Variants in FAM76A observed in about 807,000 individuals in gnomAD.
The protein encoded by FAM76A is protein FAM76A.
A neutral mutation model predicts 46.2 loss-of-function variants in FAM76A; 32 were observed. The ratio of observed to expected loss-of-function variants is 0.69; its 90% CI spans 0.52 to 0.93. The LOEUF is 0.93. Ranked by LOEUF, FAM76A falls within the 40% of genes least tolerant of loss-of-function variation. The pLI is 0.00. For missense variants in FAM76A, 274 were observed against 361.5 expected (o/e 0.76, Z 1.96); for synonymous variants, 137 against 127.0 (o/e 1.08, Z -0.53).
At chr1:27,759,939 T>C in intron 8 of FAM76A, 1 of 470,166 alleles carries the variant, frequency 2.1e-6, no homozygotes, top group Admixed American at 2.3e-5. Context: ...CACTAATTTA[T>C]TTTTTAATTT....
At chr1:27,754,264 G>A (rs1430750029) in intron 6 of FAM76A, among the ~76,000 whole-genome samples, 1 of 151,792 alleles carries the variant, frequency 6.6e-6, no homozygotes, top group Non-Finnish European at 1.5e-5. Flanking sequence ...GCACCACCAC[G>A]GCCAGCTAAT....
chr1:27,732,035 T>A (rs1048315271), intron 2 of FAM76A, among the ~76,000 whole-genome samples: 8 of 151,914 alleles, frequency 5.3e-5, no homozygotes, highest in African/African-American at 1.9e-4. Flanking sequence ...TTGGCTGGGC[T>A]GGTCTCGGAC....
chr1:27,728,863 C>T (rs769451806), intron 2 of FAM76A, among the ~76,000 whole-genome samples: 61 of 151,892 alleles, frequency 4.0e-4, no homozygotes, highest in Non-Finnish European at 6.8e-4. Flanking sequence ...ACTTGGGGGG[C>T]TGAGGCAGGA....
Position 27,744,781 on chromosome 1 carries a change from G to A in FAM76A, c.482G>A (p.Ser161Asn), listed in dbSNP as rs1293977532. 6.2e-7 allele frequency: 1 copy of A among 1,614,062 alleles called. No homozygotes were observed. The highest frequency in any genetic ancestry group is 1.3e-5 in the African/African-American group (1 of 74,926). Residue 161 changes from serine to asparagine, a missense_variant, in exon 5 of 9, where the codon AGT (serine) becomes AAT (asparagine). By Grantham distance (46) the Ser-to-Asn change is conservative. Coordinates refer to ENST00000373954, the MANE Select transcript of FAM76A (RefSeq NM_152660.3). ...GGCCACCAGGAGAAGGAGCAGTATA[G>A]TCGCCTGAGTGGTGGTGGCCATTAT... ...RAGHQEKEQY[S>N]RLSGGGHYNS...
chr1:27,759,746 C>A, intron 8 of FAM76A, 119 bp downstream of exon 8: 25 of 643,338 alleles, frequency 3.9e-5, no homozygotes, highest in Non-Finnish European at 5.2e-5. Context: ...ATTAACAAAT[C>A]ATGTTAATCC....
chr1:27,738,452 G>A (rs1170312228), intron 4 of FAM76A, among the ~76,000 whole-genome samples: 1 of 151,872 alleles, frequency 6.6e-6, no homozygotes, highest in East Asian at 1.9e-4. Flanking sequence ...ACTCCAGCCT[G>A]GGTGGCAGAG....
At chr1:27,730,181 C>CT (rs5773200) in intron 2 of FAM76A, 20,480 of 198,998 alleles carry the variant, frequency 0.1, 2,502 homozygotes, top group African/African-American at 0.33. Flanking sequence ...TTTTTCTTTT[C>CT]TTTTTTTTTT....
intron 5 of FAM76A, among the ~76,000 whole-genome samples, chr1:27,745,879 G>A (rs1422009826): frequency 6.6e-6 from 1 of 152,176 alleles, no homozygotes; most frequent in Non-Finnish European, 1.5e-5. Flanking sequence ...TATTGCTGGA[G>A]CTTTTGGCTG....
intron 4 of FAM76A, among the ~76,000 whole-genome samples, chr1:27,735,852 A>G (rs753343046): frequency 9.2e-5 from 14 of 152,230 alleles, no homozygotes; most frequent in Non-Finnish European, 1.9e-4. Flanking sequence ...AATATAACTG[A>G]GTAAATGGCT....
intron 3 of FAM76A, 92 bp downstream of exon 3, chr1:27,732,749 A>C: frequency 1.1e-6 from 1 of 918,722 alleles, no homozygotes; most frequent in Non-Finnish European, 1.7e-6. Context: ...CAATATTTTT[A>C]TTAGAATAAA....
intron 4 of FAM76A, among the ~76,000 whole-genome samples, chr1:27,738,487 TAATA>T (rs1557778391): frequency 2.0e-5 from 3 of 150,802 alleles, no homozygotes; most frequent in Non-Finnish European, 4.4e-5. Context: ...AAAAAAAAAA[TAATA>T]ATAATAATAT....
chr1:27,753,045 A>C (rs2088355966), intron 6 of FAM76A, among the ~76,000 whole-genome samples: 1 of 152,224 alleles, frequency 6.6e-6, no homozygotes, highest in African/African-American at 2.4e-5. Flanking sequence ...CTGTAATCCC[A>C]GCTACTTGAG....
At chr1:27,753,126 G>A (rs1270030732) in intron 6 of FAM76A, among the ~76,000 whole-genome samples, 1 of 152,106 alleles carries the variant, frequency 6.6e-6, no homozygotes, top group South Asian at 2.1e-4. Flanking sequence ...GTGGTGAGCC[G>A]AGATCATGCC....
chr1:27,740,215 A>G, intron 4 of FAM76A: 1 of 647,052 alleles, frequency 1.5e-6, no homozygotes, highest in Non-Finnish European at 2.9e-6. Context: ...GCCAGTCAGT[A>G]CACCTTTCAT....
At chr1:27,757,368 TG>T (rs1388691750) in intron 7 of FAM76A, among the ~76,000 whole-genome samples, 1 of 151,386 alleles carries the variant, frequency 6.6e-6, no homozygotes, top group Non-Finnish European at 1.5e-5. Flanking sequence ...GGCTGATTTT[TG>T]TTTTTGTTTT....
chr1:27,734,462 A>G (rs2088012119), intron 4 of FAM76A, among the ~76,000 whole-genome samples: 1 of 151,866 alleles, frequency 6.6e-6, no homozygotes, highest in African/African-American at 2.4e-5. Context: ...CAGAAGAATC[A>G]CTTGAACCCG....
At chr1:27,756,208 A>G (rs906368470) in intron 7 of FAM76A, among the ~76,000 whole-genome samples, 1 of 152,216 alleles carries the variant, frequency 6.6e-6, no homozygotes, top group African/African-American at 2.4e-5. Context: ...GCCTTCTGCC[A>G]TGACTCTTAT....
chr1:27,760,770 T>G lies in FAM76A; in HGVS notation c.*189T>G. 1 of 318,278 alleles carries G rather than the reference T, an allele frequency of 3.1e-6. No individual in the cohort carries two copies. The highest frequency in any genetic ancestry group is 6.1e-6 in the Non-Finnish European group (1 of 164,262). The allele number at this position is 318,278 out of a possible 1,614,324, so 19.7% of individuals were successfully genotyped here. ...TTTGTGCTGTGTTAGACTGCATGCT[T>G]GAGTGTTTGGGATTTCAAGCTCGCT... On this transcript the variant is annotated 3_prime_UTR_variant, in exon 9 of 9. Coordinates refer to ENST00000373954, the MANE Select transcript of FAM76A (RefSeq NM_152660.3).
intron 2 of FAM76A, 63 bp from the exon 3 acceptor site, chr1:27,732,540 C>A: frequency 2.0e-6 from 3 of 1,487,362 alleles, no homozygotes; most frequent in Non-Finnish European, 2.8e-6. Flanking sequence ...ATTCCTTGGG[C>A]TTAAGGAGGT....
Sources: allele counts gnomAD v4.1 joint callset (sites outside exome capture counted in the v4.1 genomes callset), GRCh38; gene constraint gnomAD v4.1.1; transcripts MANE v1.5; gene names NCBI Gene and HGNC (gene_info 2026-07-23, HGNC 2026-07-21).